Variants in LRP1B observed in about 807,000 individuals in gnomAD.
LRP1B encodes LDL receptor related protein 1B.
Under a neutral mutation model 556.6 loss-of-function variants are expected in LRP1B, and 217 were observed. The observed-to-expected ratio is 0.39, with a 90% confidence interval of 0.35 to 0.44. LRP1B has a LOEUF of 0.44. Ranked by LOEUF, LRP1B falls within the 20% of genes least tolerant of loss-of-function variation. The probability of loss-of-function intolerance (pLI) is 1.00; values close to 1 mark genes in which losing one functional copy is unlikely to be tolerated. For synonymous variants in LRP1B, 2,047 were observed against 1,865.8 expected (o/e 1.10, Z -2.50); for missense variants, 5,053 against 5,620.8 (o/e 0.90, Z 3.23).
At chr2:141,420,413 C>G (rs966688002) in intron 3 of LRP1B, among the ~76,000 whole-genome samples, 1 of 152,150 alleles carries the variant, frequency 6.6e-6, no homozygotes, top group African/African-American at 2.4e-5. Context: ...ATTCTGGAAG[C>G]CTCTGAAATC....
At chr2:141,119,355 A>G (rs567033689) in intron 7 of LRP1B, among the ~76,000 whole-genome samples, 14 of 151,986 alleles carry the variant, frequency 9.2e-5, no homozygotes, top group Admixed American at 6.6e-4. Context: ...AGACTCTCCA[A>G]ATTTTATTTA....
At chr2:142,064,068 T>C (rs930393334) in intron 1 of LRP1B, among the ~76,000 whole-genome samples, 4 of 151,608 alleles carry the variant, frequency 2.6e-5, no homozygotes, top group Non-Finnish European at 5.9e-5. Flanking sequence ...TGAAGAAAAA[T>C]GTTTTCTTTC....
chr2:140,576,993 G>A (rs1028154134), intron 43 of LRP1B, among the ~76,000 whole-genome samples: 1 of 151,528 alleles, frequency 6.6e-6, no homozygotes, highest in Non-Finnish European at 1.5e-5. Flanking sequence ...TAAGAGTTTT[G>A]TGTTTTGAAT....
chr2:141,333,003 T>A (rs1308154835), intron 3 of LRP1B, among the ~76,000 whole-genome samples: 2 of 152,078 alleles, frequency 1.3e-5, no homozygotes, highest in Non-Finnish European at 2.9e-5. Flanking sequence ...TTTCCCATAA[T>A]CTTCACTTTT....
chr2:140,535,818 G>A (rs1319715515), intron 46 of LRP1B, among the ~76,000 whole-genome samples: 1 of 152,136 alleles, frequency 6.6e-6, no homozygotes, highest in East Asian at 1.9e-4. Context: ...CTACTCCTGA[G>A]GGTAGATGTT....
At chr2:141,982,110 C>T (rs2105096585) in intron 1 of LRP1B, among the ~76,000 whole-genome samples, 1 of 152,204 alleles carries the variant, frequency 6.6e-6, no homozygotes, top group Non-Finnish European at 1.5e-5. Context: ...TCGCATTTCC[C>T]TAATTAACAT....
Position 141,770,858 on chromosome 2 carries a change from C to T in LRP1B, c.205+39421G>A, listed in dbSNP as rs74468108. Among the ~76,000 whole-genome samples the T allele has an allele frequency of 5.2e-3, 798 of 152,266 alleles. 12 individuals carry two copies. Among genetic ancestry groups the T allele is most frequent in the East Asian group, 0.035 (179 of 5,176 alleles). ...AAGGTGGACACGTTATTTATCTTAA[C>T]GTTTTTCAATCTTCACAGATTATAA... is the stretch of plus-strand genomic sequence containing the variant. On this transcript the variant is annotated intron_variant, in intron 2 of 90. Transcript: ENST00000389484.
intron 66 of LRP1B, among the ~76,000 whole-genome samples, chr2:140,416,077 T>TG (rs1170970736): frequency 6.6e-6 from 1 of 152,026 alleles, no homozygotes; most frequent in African/African-American, 2.4e-5. Flanking sequence ...AGGAGGCGAG[T>TG]GGCAGGCGAG....
chr2:141,619,948 T>C (rs1688443276), intron 2 of LRP1B, among the ~76,000 whole-genome samples: 1 of 152,176 alleles, frequency 6.6e-6, no homozygotes, highest in Non-Finnish European at 1.5e-5. Flanking sequence ...TAATTGGCTA[T>C]TTTAAAATTT....
chr2:141,736,787 T>A (rs1019267682), intron 2 of LRP1B, among the ~76,000 whole-genome samples: 1 of 152,102 alleles, frequency 6.6e-6, no homozygotes, highest in Admixed American at 6.5e-5. Flanking sequence ...AGTTAAGGCA[T>A]CTCCCTTCTT....
intron 14 of LRP1B, among the ~76,000 whole-genome samples, chr2:141,011,822 ACC>A (rs1306049391): frequency 0.01 from 1,575 of 152,188 alleles, 29 homozygotes; most frequent in African/African-American, 0.035. Flanking sequence ...CTTTCAGAAC[ACC>A]AAAAATATTC....
chr2:141,614,773 A>C (rs953262915), intron 2 of LRP1B, among the ~76,000 whole-genome samples: 80 of 152,192 alleles, frequency 5.3e-4, no homozygotes, highest in African/African-American at 1.8e-3. Context: ...AGCAACTGAC[A>C]CTCTGATTTC....
Position 141,423,290 on chromosome 2 carries a change from C to CT in LRP1B, c.343+57105dup, listed in dbSNP as rs1176569388. ...CCCTCTCACTAGGCAACAGCCAGAG[C>CT]TTTTTTTTTTTTTTTTTTTTTTTTT... On this transcript the variant is annotated intron_variant, in intron 3 of 90. Coordinates refer to ENST00000389484, the MANE Select transcript of LRP1B (RefSeq NM_018557.3). Among the ~76,000 whole-genome samples the CT allele has an allele frequency of 3.8e-3, 263 of 68,362 alleles. 3 individuals carry two copies. The highest frequency in any genetic ancestry group is 9.8e-3 in the East Asian group (19 of 1,948). The allele number at this position is 68,362 out of a possible 152,430, so 44.8% of individuals were successfully genotyped here. A position where few individuals can be genotyped will look rare whatever the true frequency, so the allele number is the denominator to read the frequency against.
At chr2:141,685,913 T>C (rs760226898) in intron 2 of LRP1B, among the ~76,000 whole-genome samples, 2 of 152,090 alleles carry the variant, frequency 1.3e-5, no homozygotes, top group Admixed American at 6.6e-5. Flanking sequence ...TGTAGCAAGT[T>C]TCCAGTTGGA....
At chr2:141,365,153 T>G (rs1437584809) in intron 3 of LRP1B, among the ~76,000 whole-genome samples, 3 of 152,214 alleles carry the variant, frequency 2.0e-5, no homozygotes, top group Non-Finnish European at 4.4e-5. Context: ...TCAGTTTGCT[T>G]ACAAAGTTGC....
intron 14 of LRP1B, among the ~76,000 whole-genome samples, chr2:141,005,800 C>G (rs528573183): frequency 1.3e-5 from 2 of 152,112 alleles, no homozygotes; most frequent in East Asian, 1.9e-4. Flanking sequence ...AAGTAGACCA[C>G]TGGCTCTCAG....
At chr2:140,883,174 G>T (rs1336277801) in intron 25 of LRP1B, among the ~76,000 whole-genome samples, 2 of 152,108 alleles carry the variant, frequency 1.3e-5, no homozygotes, top group African/African-American at 4.8e-5. Flanking sequence ...CATATGTTCT[G>T]GCTGGAAATC....
chr2:141,405,094 A>G (rs1411567209), intron 3 of LRP1B, among the ~76,000 whole-genome samples: 1 of 152,072 alleles, frequency 6.6e-6, no homozygotes, highest in African/African-American at 2.4e-5. Context: ...ACTCCGTCTC[A>G]AAAAAACAAA....
At chr2:141,673,063 A>T (rs1690735472) in intron 2 of LRP1B, among the ~76,000 whole-genome samples, 1 of 152,160 alleles carries the variant, frequency 6.6e-6, no homozygotes, top group African/African-American at 2.4e-5. Flanking sequence ...AAACACAGAT[A>T]AGTGTTAGAG....
Sources: gnomAD v4.1 joint callset for allele counts (sites outside exome capture counted in the v4.1 genomes callset) on GRCh38, gnomAD v4.1.1 for gene constraint, MANE v1.5 for transcripts, NCBI Gene and HGNC (gene_info 2026-07-23, HGNC 2026-07-21) for gene names.